SCHIP1: variants seen among roughly 807,000 people sequenced by gnomAD.
SCHIP1 encodes the protein schwannomin interacting protein 1, also known as schwannomin-interacting protein 1.
In SCHIP1, 8 loss-of-function variants were observed where a neutral mutation model predicts 29.7. That is an observed-to-expected ratio of 0.27 (90% CI 0.16 to 0.49). The LOEUF (loss-of-function observed/expected upper bound fraction) is 0.49. Among genes scored for constraint, SCHIP1 ranks in the 20% least tolerant of loss-of-function variants. SCHIP1 has a pLI of 0.99. For missense variants in SCHIP1, 193 were observed against 294.6 expected (o/e 0.66, Z 2.52); for synonymous variants, 76 against 94.9 (o/e 0.80, Z 1.16).
intron 1 of SCHIP1, among the ~76,000 whole-genome samples, chr3:159,860,388 A>G (rs899954238): frequency 1.3e-5 from 2 of 152,202 alleles, no homozygotes; most frequent in African/African-American, 4.8e-5. Flanking sequence ...TTAGAAATGC[A>G]GAGTCTCCGG....
At chr3:159,539,387 A>G in the SCHIP1 span, among the ~76,000 whole-genome samples, 1 of 136,996 alleles carries the variant, frequency 7.3e-6, no homozygotes, top group Admixed American at 7.4e-5. Context: ...AGAGAAAACA[A>G]TATGTATGTC....
the SCHIP1 span, among the ~76,000 whole-genome samples, chr3:159,746,966 T>C: frequency 6.6e-6 from 1 of 152,200 alleles, no homozygotes; most frequent in South Asian, 2.1e-4. Context: ...CCAATACCTT[T>C]TCCATAGCAC....
At chr3:159,777,699 G>A in the SCHIP1 span, among the ~76,000 whole-genome samples, 6 of 152,130 alleles carry the variant, frequency 3.9e-5, no homozygotes, top group Non-Finnish European at 7.3e-5. Flanking sequence ...TGTTTCATCT[G>A]CTAGAAATTC....
chr3:159,486,560 T>A, the SCHIP1 span, among the ~76,000 whole-genome samples: 1 of 152,244 alleles, frequency 6.6e-6, no homozygotes. Flanking sequence ...TCAGGTCTCA[T>A]GACTTTTGAA....
At chr3:159,435,619 A>G in the SCHIP1 span, among the ~76,000 whole-genome samples, 1 of 152,196 alleles carries the variant, frequency 6.6e-6, no homozygotes, top group Admixed American at 6.6e-5. Context: ...TTCAAGGTTC[A>G]TTCATAACAG....
At chr3:159,455,601 C>A in the SCHIP1 span, among the ~76,000 whole-genome samples, 1 of 152,186 alleles carries the variant, frequency 6.6e-6, no homozygotes, top group East Asian at 1.9e-4. Context: ...AAACCTATTT[C>A]ACAGGTGGCA....
At chr3:159,531,367 G>T in the SCHIP1 span, among the ~76,000 whole-genome samples, 2 of 152,152 alleles carry the variant, frequency 1.3e-5, no homozygotes, top group Non-Finnish European at 2.9e-5. Flanking sequence ...CAAGACTCAA[G>T]TCTCACCTTT....
the SCHIP1 span, among the ~76,000 whole-genome samples, chr3:159,736,389 G>T: frequency 6.6e-6 from 1 of 152,178 alleles, no homozygotes; most frequent in South Asian, 2.1e-4. Flanking sequence ...TGGTACACTG[G>T]CAGAAGGAGT....
At chr3:159,632,844 TG>T in the SCHIP1 span, among the ~76,000 whole-genome samples, 1 of 152,020 alleles carries the variant, frequency 6.6e-6, no homozygotes, top group East Asian at 1.9e-4. Flanking sequence ...AACCACAAGG[TG>T]GGGAGATGTG....
At chr3:159,789,713 G>C in the SCHIP1 span, among the ~76,000 whole-genome samples, 31 of 152,152 alleles carry the variant, frequency 2.0e-4, no homozygotes, top group East Asian at 5.8e-3. Flanking sequence ...CATAATTCAG[G>C]GTCTGACCCT....
At chr3:159,828,474 CACACAT>C in the SCHIP1 span, among the ~76,000 whole-genome samples, 1 of 115,778 alleles carries the variant, frequency 8.6e-6, no homozygotes, top group Non-Finnish European at 1.8e-5. Context: ...TATATATACA[CACACAT>C]ACACATACAT....
the SCHIP1 span, among the ~76,000 whole-genome samples, chr3:159,571,949 AT>A: frequency 1.3e-5 from 2 of 152,094 alleles, no homozygotes; most frequent in African/African-American, 2.4e-5. Context: ...GGTAGTTTGT[AT>A]TTCTGTGGGA....
chr3:159,727,707 A>G, the SCHIP1 span, among the ~76,000 whole-genome samples: 1 of 152,192 alleles, frequency 6.6e-6, no homozygotes, highest in African/African-American at 2.4e-5. Flanking sequence ...AACAAAGCAA[A>G]GTGTAGCCAA....
chr3:159,349,391 AG>A, the SCHIP1 span, among the ~76,000 whole-genome samples: 1 of 152,264 alleles, frequency 6.6e-6, no homozygotes, highest in Non-Finnish European at 1.5e-5. Flanking sequence ...GAGTTAGAAC[AG>A]GATTTGAATT....
chr3:159,761,631 C>T, the SCHIP1 span, among the ~76,000 whole-genome samples: 1 of 152,142 alleles, frequency 6.6e-6, no homozygotes, highest in South Asian at 2.1e-4. Flanking sequence ...GGAAACTGGG[C>T]TAGCCAGGCA....
chr3:159,672,016 C>T, the SCHIP1 span, among the ~76,000 whole-genome samples: 1 of 152,188 alleles, frequency 6.6e-6, no homozygotes, highest in African/African-American at 2.4e-5. Flanking sequence ...TCGCTCAAAA[C>T]AATCCTTTGA....
chr3:159,454,761 G>T, the SCHIP1 span, among the ~76,000 whole-genome samples: 5 of 152,122 alleles, frequency 3.3e-5, no homozygotes, highest in South Asian at 1.0e-3. Flanking sequence ...AGGTGAAGGT[G>T]GCAGGAGCCT....
the SCHIP1 span, among the ~76,000 whole-genome samples, chr3:159,708,318 T>G: frequency 6.6e-6 from 1 of 152,178 alleles, no homozygotes; most frequent in African/African-American, 2.4e-5. Context: ...GATCCTTTCC[T>G]CCAAGGCCAA....
the SCHIP1 span, among the ~76,000 whole-genome samples, chr3:159,364,908 G>T: frequency 0.2 from 30,558 of 152,118 alleles, 4,326 homozygotes; most frequent in African/African-American, 0.39. Flanking sequence ...GCACAGGATT[G>T]TTGGGGGGCT....
Sources: allele counts gnomAD v4.1 joint callset (sites outside exome capture counted in the v4.1 genomes callset), GRCh38; gene constraint gnomAD v4.1.1; transcripts MANE v1.5; gene names NCBI Gene and HGNC (gene_info 2026-07-23, HGNC 2026-07-21).